MICAL2: variants seen among roughly 807,000 people sequenced by gnomAD.
The protein encoded by MICAL2 is [F-actin]-monooxygenase MICAL2.
In MICAL2, 77 loss-of-function variants were observed where a neutral mutation model predicts 127.3. The ratio of observed to expected loss-of-function variants is 0.60; its 90% CI spans 0.50 to 0.73. The LOEUF (loss-of-function observed/expected upper bound fraction) is 0.73, where lower values mean the gene tolerates loss of function less well. MICAL2 is among the 30% of genes least tolerant of loss of function. The probability of loss-of-function intolerance (pLI) is 0.00; values close to 1 mark genes in which losing one functional copy is unlikely to be tolerated. For synonymous variants in MICAL2, 570 were observed against 551.1 expected (o/e 1.03, Z -0.48); for missense variants, 1,351 against 1,434.4 (o/e 0.94, Z 0.94).
chr11:12,360,313 G>T (rs1187829983), downstream of MICAL2, among the ~76,000 whole-genome samples: 1 of 151,946 alleles, frequency 6.6e-6, no homozygotes, highest in Non-Finnish European at 1.5e-5. Flanking sequence ...GTTATAATTT[G>T]GAGAAGACCT....
intron 32 of MICAL2, among the ~76,000 whole-genome samples, chr11:12,335,928 A>G (rs1590742914): frequency 1.3e-5 from 2 of 152,238 alleles, no homozygotes; most frequent in East Asian, 1.9e-4. Flanking sequence ...GATTGACTTG[A>G]CAATGCGGGC....
At chr11:12,200,363 C>G (rs1020456249) in intron 3 of MICAL2, among the ~76,000 whole-genome samples, 3 of 152,212 alleles carry the variant, frequency 2.0e-5, no homozygotes, top group Admixed American at 1.3e-4. Context: ...TATCACAACC[C>G]TTTGCATCTG....
chr11:12,341,831 AG>A (rs1565310557), intron 32 of MICAL2, among the ~76,000 whole-genome samples: 8 of 149,888 alleles, frequency 5.3e-5, no homozygotes, highest in African/African-American at 7.3e-5. Context: ...TTTCTCAAAA[AG>A]AAAAGAAAAG....
chr11:12,312,791 C>T (rs1864188653), intron 29 of MICAL2, among the ~76,000 whole-genome samples: 1 of 152,180 alleles, frequency 6.6e-6, no homozygotes, highest in Non-Finnish European at 1.5e-5. Context: ...AGGCCTGTCT[C>T]TTCAGATCTT....
At chr11:12,359,493 C>T (rs551723700), downstream of MICAL2, among the ~76,000 whole-genome samples, 1 of 152,224 alleles carries the variant, frequency 6.6e-6, no homozygotes, top group African/African-American at 2.4e-5. Flanking sequence ...CTCTCCCTCT[C>T]CCCAGGAACT....
exon 33 of MICAL2, chr11:12,349,877 G>T: frequency 6.2e-7 from 1 of 1,614,118 alleles, no homozygotes; most frequent in Non-Finnish European, 8.5e-7. Context: ...TTGCAGGAAT[G>T]GTTTAAGCTG....
intron 29 of MICAL2, among the ~76,000 whole-genome samples, chr11:12,304,533 G>A (rs558202703): frequency 6.9e-4 from 105 of 152,228 alleles, no homozygotes; most frequent in African/African-American, 2.3e-3. Context: ...TACTTGGGAG[G>A]CTGAGGCAAG....
intron 3 of MICAL2, among the ~76,000 whole-genome samples, chr11:12,173,144 C>A (rs1221603942): frequency 6.6e-6 from 1 of 152,134 alleles, no homozygotes; most frequent in Non-Finnish European, 1.5e-5. Context: ...CTGCTCAGAG[C>A]CTTTGGCTCT....
At chr11:12,111,021 C>G (rs1849563800) in intron 1 of MICAL2, among the ~76,000 whole-genome samples, 1 of 152,188 alleles carries the variant, frequency 6.6e-6, no homozygotes, top group Non-Finnish European at 1.5e-5. Context: ...CCCTGCAGTT[C>G]CAAGCCTAGA....
At chr11:12,324,008 C>G in exon 31 of MICAL2, 2 of 1,610,590 alleles carry the variant, frequency 1.2e-6, no homozygotes, top group Non-Finnish European at 1.7e-6. Context: ...AAGAAAGAAG[C>G]TAGAAAAAGC....
At position 12,249,271 on chromosome 11, in the gene MICAL2, C is replaced by A. The variant is rs774072765; in HGVS notation, c.2847+25C>A. ...GGTGAGTTAGAGCCTCCCTGAACTT[C>A]AGCTGCCTCACCTGCAAAGGGGGAT... is the stretch of plus-strand genomic sequence containing the variant. On this transcript the variant is annotated intron_variant, in intron 22 of 27. Coordinates refer to ENST00000683283, the MANE Select transcript of MICAL2 (RefSeq NM_001282663.2). The A allele has an allele frequency of 4.4e-6, 6 of 1,355,768 alleles. No homozygotes were observed. The South Asian group carries it at 5.9e-5, about 13-fold the overall frequency. The allele number at this position is 1,355,768 out of a possible 1,614,324, so 84.0% of individuals were successfully genotyped here.
intron 32 of MICAL2, among the ~76,000 whole-genome samples, chr11:12,329,433 C>T (rs759203518): frequency 2.0e-5 from 3 of 152,126 alleles, no homozygotes; most frequent in Non-Finnish European, 2.9e-5. Flanking sequence ...AAAGCCAGGG[C>T]GTGCTTCAGT....
intron 24 of MICAL2, chr11:12,257,345 T>A (rs1862464762): frequency 5.0e-6 from 1 of 201,670 alleles, no homozygotes; most frequent in Admixed American, 6.0e-5. Flanking sequence ...GCAGTAAGGT[T>A]CACCAAATGA....
At chr11:12,210,560 C>G (rs775093697) in intron 6 of MICAL2, among the ~76,000 whole-genome samples, 17 of 152,212 alleles carry the variant, frequency 1.1e-4, no homozygotes, top group Non-Finnish European at 2.2e-4. Flanking sequence ...TTTTCCCTTT[C>G]CATACCCACC....
intron 1 of MICAL2, among the ~76,000 whole-genome samples, chr11:12,277,270 C>T (rs942055702): frequency 6.6e-6 from 1 of 151,924 alleles, no homozygotes; most frequent in African/African-American, 2.4e-5. Flanking sequence ...GGGAGGCATC[C>T]AAGATCTCCT....
In MICAL2 at chr11:12,216,339, G is replaced by A. The variant is rs147682517; in HGVS notation, c.948+20G>A. 16 of 1,595,020 alleles carry A rather than the reference G, an allele frequency of 1.0e-5. No individual in the cohort carries two copies. Among genetic ancestry groups the A allele is most frequent in the Non-Finnish European group, 1.3e-5 (15 of 1,163,196 alleles). On this transcript the variant is annotated intron_variant, in intron 8 of 27. Coordinates refer to ENST00000683283, the MANE Select transcript of MICAL2 (RefSeq NM_001282663.2). ...ATTAACGTACGTACCTCTTGGCTGC[G>A]ATTTCCCGACTTCGCGACCTGGGCT... is the stretch of plus-strand genomic sequence containing the variant.
intron 33 of MICAL2, chr11:12,354,751 G>A (rs1282770332): frequency 1.9e-6 from 3 of 1,590,448 alleles, no homozygotes; most frequent in African/African-American, 1.3e-5. Flanking sequence ...CAAATCTATA[G>A]TATTCATAAA....
At chr11:12,173,871 C>A (rs1856553327) in intron 3 of MICAL2, among the ~76,000 whole-genome samples, 2 of 152,112 alleles carry the variant, frequency 1.3e-5, no homozygotes. Context: ...GTTGGAATTT[C>A]ATTCTTTTCT....
chr11:12,312,014 T>G (rs1393685856), intron 29 of MICAL2, among the ~76,000 whole-genome samples: 4 of 151,292 alleles, frequency 2.6e-5, no homozygotes, highest in African/African-American at 9.7e-5. Flanking sequence ...TTTATTATAA[T>G]AGTTTATATA....
Sources: gnomAD v4.1 joint callset for allele counts (sites outside exome capture counted in the v4.1 genomes callset) on GRCh38, gnomAD v4.1.1 for gene constraint, MANE v1.5 for transcripts, NCBI Gene and HGNC (gene_info 2026-07-23, HGNC 2026-07-21) for gene names.